Variants in FAM107B observed in about 807,000 individuals in gnomAD.
FAM107B encodes the protein protein FAM107B.
A neutral mutation model predicts 31.5 loss-of-function variants in FAM107B; 21 were observed. The ratio of observed to expected loss-of-function variants is 0.67; its 90% CI spans 0.47 to 0.96. The LOEUF (loss-of-function observed/expected upper bound fraction) is 0.96. Ranked by LOEUF, FAM107B falls within the 40% of genes least tolerant of loss-of-function variation. The probability of loss-of-function intolerance (pLI) is 0.00; values close to 1 mark genes in which losing one functional copy is unlikely to be tolerated. For synonymous variants in FAM107B, 157 were observed against 141.5 expected (o/e 1.11, Z -0.78); for missense variants, 452 against 377.1 (o/e 1.20, Z -1.64).
intron 2 of FAM107B, among the ~76,000 whole-genome samples, chr10:14,665,947 G>T (rs1370399100): frequency 2.0e-5 from 3 of 151,924 alleles, no homozygotes; most frequent in Non-Finnish European, 4.4e-5. Flanking sequence ...GCATAGTGTT[G>T]GCCTATGTCA....
At chr10:14,736,651 C>T (rs1856306695) in intron 1 of FAM107B, among the ~76,000 whole-genome samples, 1 of 152,128 alleles carries the variant, frequency 6.6e-6, no homozygotes, top group African/African-American at 2.4e-5. Flanking sequence ...CCATGAAAAA[C>T]CTTCACTAAG....
At chr10:14,546,484 G>A (rs904264961) in intron 2 of FAM107B, among the ~76,000 whole-genome samples, 4 of 152,178 alleles carry the variant, frequency 2.6e-5, no homozygotes, top group Non-Finnish European at 4.4e-5. Flanking sequence ...ATAACAGCTC[G>A]ACAGTTTTAT....
At chr10:14,759,032 G>A (rs957259399) in intron 1 of FAM107B, among the ~76,000 whole-genome samples, 2 of 151,742 alleles carry the variant, frequency 1.3e-5, no homozygotes, top group African/African-American at 2.4e-5. Flanking sequence ...TACAAAATTA[G>A]CCAGGTGTGG....
chr10:14,689,526 G>A (rs1223766097), intron 1 of FAM107B, among the ~76,000 whole-genome samples: 6 of 152,136 alleles, frequency 3.9e-5, no homozygotes, highest in Admixed American at 1.3e-4. Flanking sequence ...CTGGCCTGAC[G>A]GTAATGAGAG....
chr10:14,632,031 C>T (rs2131419303), intron 2 of FAM107B, among the ~76,000 whole-genome samples: 1 of 152,288 alleles, frequency 6.6e-6, no homozygotes, highest in Admixed American at 6.5e-5. Flanking sequence ...GGCACAGTGG[C>T]TCACACCTGT....
At chr10:14,739,676 C>T (rs1856392152) in intron 1 of FAM107B, among the ~76,000 whole-genome samples, 1 of 152,192 alleles carries the variant, frequency 6.6e-6, no homozygotes, top group South Asian at 2.1e-4. Flanking sequence ...TCCCAGACCA[C>T]AAGAATTGTT....
chr10:14,760,622 C>G (rs528232053), intron 1 of FAM107B, among the ~76,000 whole-genome samples: 7 of 149,854 alleles, frequency 4.7e-5, no homozygotes, highest in African/African-American at 1.8e-4. Context: ...TTTAGCTTTA[C>G]GATCCATCTG....
intron 1 of FAM107B, among the ~76,000 whole-genome samples, chr10:14,688,313 C>G (rs1428310655): frequency 1.3e-5 from 2 of 152,174 alleles, no homozygotes; most frequent in African/African-American, 4.8e-5. Context: ...CTTTCTTGCT[C>G]CTCAGCTTGC....
chr10:14,701,171 G>A (rs1045917826), intron 1 of FAM107B, among the ~76,000 whole-genome samples: 1 of 151,928 alleles, frequency 6.6e-6, no homozygotes, highest in South Asian at 2.1e-4. Context: ...TAATTCCCTG[G>A]AATAAATTTA....
chr10:14,749,198 T>G (rs1832781034), intron 1 of FAM107B, among the ~76,000 whole-genome samples: 1 of 152,146 alleles, frequency 6.6e-6, no homozygotes, highest in Non-Finnish European at 1.5e-5. Flanking sequence ...AAGGCTATGT[T>G]TATAAGCCAG....
rs1225018118 is a variant in FAM107B, at chr10:14,676,652, T to A, written c.412-8961A>T. ...ACCTCCGTCTGAAGCTCTACCCCATTCTATCTTTATTCTATTAACTAAAAT... is the reference window on the plus strand; with the variant it reads ...ACCTCCGTCTGAAGCTCTACCCCATACTATCTTTATTCTATTAACTAAAAT... On this transcript the variant is annotated intron_variant, in intron 1 of 4. Coordinates refer to ENST00000181796, the MANE Select transcript of FAM107B (RefSeq NM_031453.4). Among the ~76,000 whole-genome samples, 5 of 151,206 alleles carry A rather than the reference T, an allele frequency of 3.3e-5. No homozygotes were observed. The East Asian group carries it at 9.6e-4, about 29-fold the overall frequency.
chr10:14,682,588 G>A (rs1280501941), intron 1 of FAM107B, among the ~76,000 whole-genome samples: 2 of 152,130 alleles, frequency 1.3e-5, no homozygotes, highest in Admixed American at 6.6e-5. Flanking sequence ...CATGTCCTTT[G>A]CAGGGATATG....
chr10:14,580,194 C>G (rs11813120), intron 2 of FAM107B, among the ~76,000 whole-genome samples: 16,885 of 151,834 alleles, frequency 0.11, 981 homozygotes, highest in East Asian at 0.2. Context: ...CCTGTCTCTA[C>G]TAAAAATCCA....
chr10:14,533,030 A>T (rs1464074607), intron 2 of FAM107B, among the ~76,000 whole-genome samples: 1 of 152,106 alleles, frequency 6.6e-6, no homozygotes. Flanking sequence ...GAGGATATAG[A>T]GCGTGGGAAC....
intron 2 of FAM107B, among the ~76,000 whole-genome samples, chr10:14,593,552 G>A (rs931218108): frequency 6.6e-6 from 1 of 152,078 alleles, no homozygotes; most frequent in Non-Finnish European, 1.5e-5. Flanking sequence ...AAATTAGCCA[G>A]GCACAGTGGC....
chr10:14,624,624 A>G (rs1036738473), intron 2 of FAM107B, among the ~76,000 whole-genome samples: 10 of 152,138 alleles, frequency 6.6e-5, no homozygotes. Context: ...TGACAGAGCA[A>G]GACTCCGTTT....
At chr10:14,589,343 C>T (rs1165085519) in intron 2 of FAM107B, among the ~76,000 whole-genome samples, 1 of 152,110 alleles carries the variant, frequency 6.6e-6, no homozygotes, top group Non-Finnish European at 1.5e-5. Context: ...CATCTATAAT[C>T]TGAAAGCTTT....
At chr10:14,631,654 A>G (rs1359546243) in intron 2 of FAM107B, among the ~76,000 whole-genome samples, 1 of 152,082 alleles carries the variant, frequency 6.6e-6, no homozygotes, top group East Asian at 1.9e-4. Flanking sequence ...GCTAAAAATG[A>G]CCCCTCTTTT....
intron 2 of FAM107B, among the ~76,000 whole-genome samples, chr10:14,572,762 A>G (rs920623304): frequency 1.5e-5 from 1 of 66,030 alleles, no homozygotes; most frequent in African/African-American, 4.9e-5. Context: ...TATATATATT[A>G]GAGTGTGTGT....
Sources: allele counts gnomAD v4.1 joint callset (sites outside exome capture counted in the v4.1 genomes callset), GRCh38; gene constraint gnomAD v4.1.1; transcripts MANE v1.5; gene names NCBI Gene and HGNC (gene_info 2026-07-23, HGNC 2026-07-21).